PDE4D: variants seen among roughly 807,000 people sequenced by gnomAD.
PDE4D encodes 3',5'-cyclic-AMP phosphodiesterase 4D.
Under a neutral mutation model 87.4 loss-of-function variants are expected in PDE4D, and 24 were observed. That is an observed-to-expected ratio of 0.27 (90% CI 0.20 to 0.39). The LOEUF (loss-of-function observed/expected upper bound fraction) is 0.39. Ranked by LOEUF, PDE4D falls within the 10% of genes least tolerant of loss-of-function variation. The probability of loss-of-function intolerance (pLI) is 1.00; values close to 1 mark genes in which losing one functional copy is unlikely to be tolerated. For synonymous variants in PDE4D, 384 were observed against 383.2 expected, an observed-to-expected ratio of 1.00 and a Z score of -0.02; for missense variants, 714 against 1,041.0, an observed-to-expected ratio of 0.69 and a Z score of 4.32.
intron 1 of PDE4D, among the ~76,000 whole-genome samples, chr5:59,522,567 T>C (rs568672416): frequency 6.6e-6 from 1 of 152,330 alleles, no homozygotes; most frequent in Non-Finnish European, 1.5e-5. Context: ...GTACCAAAGC[T>C]ACAATTTGAG....
At chr5:60,087,984 A>C (rs1007109252) in intron 2 of PDE4D, among the ~76,000 whole-genome samples, 3 of 152,148 alleles carry the variant, frequency 2.0e-5, no homozygotes, top group Non-Finnish European at 4.4e-5. Context: ...AAACAAAGAA[A>C]GAATACTTTA....
intron 2 of PDE4D, among the ~76,000 whole-genome samples, chr5:60,090,125 T>C (rs1774975828): frequency 1.3e-5 from 2 of 152,084 alleles, no homozygotes; most frequent in Non-Finnish European, 2.9e-5. Context: ...TTAAACTGTT[T>C]CAAAAAAATT....
At chr5:60,191,968 C>T (rs1240468695) in intron 1 of PDE4D, among the ~76,000 whole-genome samples, 1 of 152,068 alleles carries the variant, frequency 6.6e-6, no homozygotes, top group East Asian at 1.9e-4. Flanking sequence ...CCATTGCACT[C>T]CAGGCTGGGT....
rs1344938707 is a variant in PDE4D at position 60,428,421 on chromosome 5, A to C, written c.-90+59521T>G. ...GATAATGAGAAAAAAAAAAAGTTTGATACCTGGTGTTTAGTGGAATTCACT... is the reference window on the plus strand; with the variant it reads ...GATAATGAGAAAAAAAAAAAGTTTGCTACCTGGTGTTTAGTGGAATTCACT... On this transcript the variant is annotated intron_variant, in intron 1 of 16. Coordinates refer to the PDE4D transcript ENST00000502484. Among the ~76,000 whole-genome samples, 6 of 152,128 alleles carry C rather than the reference A, an allele frequency of 3.9e-5. No individual in the cohort carries two copies. In the East Asian group the frequency reaches 1.2e-3, roughly 29 times the overall value.
rs199886636 is a variant in PDE4D, at chr5:59,356,814, C to T, written c.456-140846G>A. 189 of 1,560,270 alleles carry T rather than the reference C, an allele frequency of 1.2e-4. 1 individual carries two copies. In the Middle Eastern group the frequency reaches 1.7e-3, roughly 14 times the overall value. On this transcript the variant is annotated intron_variant, in intron 1 of 14. Transcript: ENST00000340635. Reference sequence around the variant, plus strand: ...TGGCTCTTGTAGATGGTCCTGGCACCGTGGCTCCCAGAGGATCCCAAACAA... The same window carrying T: ...TGGCTCTTGTAGATGGTCCTGGCACTGTGGCTCCCAGAGGATCCCAAACAA...
intron 5 of PDE4D, among the ~76,000 whole-genome samples, chr5:59,139,723 G>T (rs953850515): frequency 6.6e-6 from 1 of 151,660 alleles, no homozygotes; most frequent in Admixed American, 6.6e-5. Flanking sequence ...CAAGCAATCT[G>T]CCCATCTCAG....
intron 1 of PDE4D, among the ~76,000 whole-genome samples, chr5:60,250,774 T>C (rs962970065): frequency 6.6e-6 from 1 of 151,984 alleles, no homozygotes; most frequent in Non-Finnish European, 1.5e-5. Context: ...ATCATTACTT[T>C]AGAGTGTGGT....
intron 1 of PDE4D, among the ~76,000 whole-genome samples, chr5:59,419,482 A>C (rs562305474): frequency 2.0e-5 from 3 of 152,328 alleles, no homozygotes; most frequent in Admixed American, 6.5e-5. Context: ...AGCACTTATC[A>C]TCTGTCTTTA....
At chr5:60,178,966 C>T (rs953304485) in intron 2 of PDE4D, among the ~76,000 whole-genome samples, 7 of 151,974 alleles carry the variant, frequency 4.6e-5, no homozygotes, top group Non-Finnish European at 2.9e-5. Context: ...TAACAAATAT[C>T]GTAGATTGTA....
At position 59,190,004 on chromosome 5, in the gene PDE4D, C is replaced by G. The variant is rs555308530; in HGVS notation, c.684+3496G>C. Among the ~76,000 whole-genome samples the G allele has an allele frequency of 2.0e-4, 30 of 152,218 alleles. No individual in the cohort carries two copies. The South Asian group carries it at 6.0e-3, about 30-fold the overall frequency. On this transcript the variant is annotated intron_variant, in intron 3 of 14. Transcript: ENST00000340635. ...CAAGATGTTTCAGGCTTTAGCCTGG[C>G]CAAAAAAGTGCAATCTATCTTTGCA...
intron 5 of PDE4D, among the ~76,000 whole-genome samples, chr5:59,088,470 A>C (rs1768111352): frequency 6.6e-6 from 1 of 152,198 alleles, no homozygotes; most frequent in South Asian, 2.1e-4. Context: ...AAAGGAATAT[A>C]AATCATTCTA....
chr5:59,347,469 ATAAAAAAT>A (rs777379833), intron 1 of PDE4D, among the ~76,000 whole-genome samples: 4 of 150,196 alleles, frequency 2.7e-5, no homozygotes, highest in Non-Finnish European at 4.5e-5. Context: ...TTCTTTGAAA[ATAAAAAAT>A]TAATCTCACA....
intron 1 of PDE4D, among the ~76,000 whole-genome samples, chr5:59,386,757 G>C (rs1787138819): frequency 6.6e-6 from 1 of 151,920 alleles, no homozygotes; most frequent in Non-Finnish European, 1.5e-5. Flanking sequence ...ATATGCCATG[G>C]GAATTGCTGC....
intron 1 of PDE4D, among the ~76,000 whole-genome samples, chr5:59,246,884 C>T (rs113966450): frequency 2.9e-4 from 44 of 152,092 alleles, no homozygotes; most frequent in Admixed American, 1.1e-3. Context: ...TATTTATAAC[C>T]CTCAAATACA....
chr5:59,879,534 C>A (rs1344890146), intron 1 of PDE4D, among the ~76,000 whole-genome samples: 1 of 152,196 alleles, frequency 6.6e-6, no homozygotes, highest in Non-Finnish European at 1.5e-5. Context: ...CGTTGTATTT[C>A]CGTTTGGTCT....
chr5:59,771,132 AAAATAAAT>A (rs201697322), intron 1 of PDE4D, among the ~76,000 whole-genome samples: 52 of 143,238 alleles, frequency 3.6e-4, no homozygotes, highest in African/African-American at 9.0e-4. Flanking sequence ...ACCCAGCCTC[AAAATAAAT>A]AAATAAATAA....
At chr5:59,725,442 G>A (rs1027378195) in intron 1 of PDE4D, among the ~76,000 whole-genome samples, 1 of 152,052 alleles carries the variant, frequency 6.6e-6, no homozygotes, top group Non-Finnish European at 1.5e-5. Flanking sequence ...AAAAGCCTTT[G>A]AAATACCAAG....
At chr5:59,116,782 A>G (rs1773688645) in intron 5 of PDE4D, among the ~76,000 whole-genome samples, 1 of 152,186 alleles carries the variant, frequency 6.6e-6, no homozygotes, top group Non-Finnish European at 1.5e-5. Flanking sequence ...GGGGGTGGTG[A>G]CAAAGTGGAC....
At chr5:59,891,902 T>G (rs926017007) in intron 1 of PDE4D, among the ~76,000 whole-genome samples, 10 of 152,202 alleles carry the variant, frequency 6.6e-5, no homozygotes, top group Non-Finnish European at 1.0e-4. Flanking sequence ...CCCTAGATTT[T>G]CCTGTTTCCA....
Sources: gnomAD v4.1 joint callset for allele counts (sites outside exome capture counted in the v4.1 genomes callset) on GRCh38, gnomAD v4.1.1 for gene constraint, MANE v1.5 for transcripts, NCBI Gene and HGNC (gene_info 2026-07-23, HGNC 2026-07-21) for gene names.